The following ALK variants were observed in gnomAD, a reference collection of about 807,000 sequenced individuals.
ALK encodes ALK tyrosine kinase receptor.
In ALK, 74 loss-of-function variants were observed where a neutral mutation model predicts 163.1. The ratio of observed to expected loss-of-function variants is 0.45; its 90% confidence interval spans 0.38 to 0.55. ALK has a LOEUF of 0.55. ALK is among the 20% of genes least tolerant of loss of function. The pLI, the probability that ALK is intolerant of heterozygous loss-of-function variation, is 0.00. For synonymous variants in ALK, 960 were observed against 843.2 expected (o/e 1.14, Z -2.40); for missense variants, 2,063 against 2,105.3 (o/e 0.98, Z 0.39).
At chr2:29,912,363 C>A (rs552776342) in intron 1 of ALK, among the ~76,000 whole-genome samples, 1 of 152,062 alleles carries the variant, frequency 6.6e-6, no homozygotes, top group East Asian at 1.9e-4. Context: ...CAAAAAGGAA[C>A]AACAATGTAA....
At chr2:29,361,777 T>C (rs1294172139) in intron 5 of ALK, among the ~76,000 whole-genome samples, 2 of 152,234 alleles carry the variant, frequency 1.3e-5, no homozygotes, top group Non-Finnish European at 2.9e-5. Flanking sequence ...GATCCTTGTA[T>C]ATTGTGGCCT....
intron 1 of ALK, among the ~76,000 whole-genome samples, chr2:29,861,823 T>C (rs1666299912): frequency 6.6e-6 from 1 of 152,124 alleles, no homozygotes; most frequent in African/African-American, 2.4e-5. Context: ...ACAAGGATAC[T>C]ACAAGAAAAG....
chr2:29,331,758 A>C (rs1033140704), intron 5 of ALK, among the ~76,000 whole-genome samples: 4 of 152,108 alleles, frequency 2.6e-5, no homozygotes, highest in African/African-American at 9.7e-5. Context: ...AACTTGTAAC[A>C]ACCAGGACAG....
chr2:29,903,613 T>C (rs1035149266), intron 1 of ALK, among the ~76,000 whole-genome samples: 1 of 152,224 alleles, frequency 6.6e-6, no homozygotes, highest in Non-Finnish European at 1.5e-5. Flanking sequence ...TTGGCTATAA[T>C]GATTGGAACA....
At chr2:29,776,225 TAA>T (rs58918857) in intron 1 of ALK, among the ~76,000 whole-genome samples, 3 of 131,232 alleles carry the variant, frequency 2.3e-5, no homozygotes, top group Admixed American at 7.5e-5. Context: ...GGAATTTTGT[TAA>T]AAAAAAAAAA....
At chr2:29,893,897 C>T (rs1036963292) in intron 1 of ALK, among the ~76,000 whole-genome samples, 2 of 152,068 alleles carry the variant, frequency 1.3e-5, no homozygotes, top group Non-Finnish European at 2.9e-5. Context: ...AAACTCTGAA[C>T]CTCCATTTCC....
intron 5 of ALK, among the ~76,000 whole-genome samples, chr2:29,357,177 C>A (rs113487759): frequency 2.6e-5 from 4 of 152,214 alleles, no homozygotes; most frequent in African/African-American, 9.6e-5. Context: ...GTGAGGAATA[C>A]GAGCTAACCC....
intron 6 of ALK, among the ~76,000 whole-genome samples, chr2:29,325,925 G>C (rs1573235743): frequency 6.6e-6 from 1 of 152,324 alleles, no homozygotes; most frequent in Middle Eastern, 3.4e-3. Context: ...GTCAACATTA[G>C]TGTGATGGGG....
At chr2:29,805,282 A>G (rs1572393687) in intron 1 of ALK, among the ~76,000 whole-genome samples, 1 of 152,210 alleles carries the variant, frequency 6.6e-6, no homozygotes, top group Admixed American at 6.5e-5. Flanking sequence ...AGCTCCTGGG[A>G]GCACTATTTT....
Position 29,628,868 on chromosome 2 carries a change from G to T in ALK, c.952+65982C>A, listed in dbSNP as rs1573511302. 2.0e-5 allele frequency among the ~76,000 whole-genome samples: 3 copies of T among 152,316 alleles called. 1 individual carries two copies. The highest frequency in any genetic ancestry group is 2.0e-4 in the Admixed American group (3 of 15,284). ...AATAAAACATTCACATACAGATTTA[G>T]CATGTTCAAGACTCAGTGCTCTCGC... On this transcript the variant is annotated intron_variant, in intron 3 of 28. Coordinates refer to ENST00000389048, the MANE Select transcript of ALK (RefSeq NM_004304.5).
At chr2:29,824,754 G>A (rs1000748789) in intron 1 of ALK, among the ~76,000 whole-genome samples, 10 of 152,302 alleles carry the variant, frequency 6.6e-5, no homozygotes, top group African/African-American at 2.2e-4. Flanking sequence ...TTACAGGCTC[G>A]TAGGCAGAAG....
chr2:29,433,293 C>T (rs140988237), intron 4 of ALK, among the ~76,000 whole-genome samples: 2 of 152,208 alleles, frequency 1.3e-5, no homozygotes, highest in African/African-American at 4.8e-5. Flanking sequence ...GATTCTGATT[C>T]ATTAGTGTAG....
At chr2:29,547,312 C>T (rs912654773) in intron 3 of ALK, among the ~76,000 whole-genome samples, 11 of 152,138 alleles carry the variant, frequency 7.2e-5, no homozygotes, top group East Asian at 1.9e-4. Flanking sequence ...TTCCATAATA[C>T]GGGGCCAGGC....
intron 11 of ALK, among the ~76,000 whole-genome samples, chr2:29,253,017 G>T (rs1664862313): frequency 6.6e-6 from 1 of 151,756 alleles, no homozygotes; most frequent in Admixed American, 6.6e-5. Context: ...GTTGAGATGG[G>T]GGTCTCACTC....
intron 3 of ALK, among the ~76,000 whole-genome samples, chr2:29,628,081 T>C (rs977056576): frequency 5.9e-5 from 9 of 152,236 alleles, no homozygotes; most frequent in Non-Finnish European, 7.3e-5. Context: ...TCTTACTTTA[T>C]GCATCACAAG....
rs954619721 is a variant in ALK at position 29,844,869 on chromosome 2, ACACACACACACACACACACAGAGG to A, written c.667+75100_667+75123del. The stretch of plus-strand genomic sequence containing the variant: ...CCTGATAACCCCCCTGCACACACAC[ACACACACACACACACACACAGAGG>A]CACACACACACAGTACACACACTGC... On this transcript the variant is annotated intron_variant, in intron 1 of 28. Coordinates refer to ENST00000389048, the MANE Select transcript of ALK (RefSeq NM_004304.5). Among the ~76,000 whole-genome samples the A allele has an allele frequency of 8.6e-4, 100 of 115,678 alleles. 1 individual carries two copies. Among genetic ancestry groups the A allele is most frequent in the Middle Eastern group, 5.6e-3 (1 of 180 alleles). 75.9% of individuals were successfully genotyped at this position (115,678 alleles called of 152,430 possible).
At chr2:29,404,003 G>T (rs1347419698) in intron 4 of ALK, among the ~76,000 whole-genome samples, 2 of 151,858 alleles carry the variant, frequency 1.3e-5, no homozygotes, top group Non-Finnish European at 2.9e-5. Flanking sequence ...AAATAAAATT[G>T]TCTATAAAAG....
chr2:29,385,372 C>T (rs1389342594), intron 4 of ALK, among the ~76,000 whole-genome samples: 2 of 146,564 alleles, frequency 1.4e-5, no homozygotes, highest in African/African-American at 5.1e-5. Context: ...AGGAAACAAC[C>T]TGTCAGGTTG....
chr2:29,811,271 C>A (rs572524409), intron 1 of ALK, among the ~76,000 whole-genome samples: 2 of 152,046 alleles, frequency 1.3e-5, no homozygotes, highest in Non-Finnish European at 2.9e-5. Flanking sequence ...AGAAATGAGA[C>A]ATGAAGTAGC....
Sources: gnomAD v4.1 joint callset for allele counts (sites outside exome capture counted in the v4.1 genomes callset) on GRCh38, gnomAD v4.1.1 for gene constraint, MANE v1.5 for transcripts, NCBI Gene and HGNC (gene_info 2026-07-23, HGNC 2026-07-21) for gene names.